ARB2A: variants seen among roughly 807,000 people sequenced by gnomAD.
ARB2A encodes the protein cotranscriptional regulator ARB2A.
chr5:93,946,029 CTA>C, the ARB2A span, among the ~76,000 whole-genome samples: 1 of 152,056 alleles, frequency 6.6e-6, no homozygotes, highest in Non-Finnish European at 1.5e-5. Flanking sequence ...ACCTGGAATT[CTA>C]TGTCTTTTGA....
the ARB2A span, among the ~76,000 whole-genome samples, chr5:93,955,075 C>T: frequency 6.6e-6 from 1 of 152,190 alleles, no homozygotes; most frequent in Non-Finnish European, 1.5e-5. Flanking sequence ...CTTTCTTACC[C>T]TCTTCAGTGC....
chr5:93,793,472 C>T, the ARB2A span, among the ~76,000 whole-genome samples: 12 of 151,608 alleles, frequency 7.9e-5, no homozygotes, highest in African/African-American at 2.9e-4. Context: ...ACTTATAAAA[C>T]CAGTAAGGAT....
the ARB2A span, among the ~76,000 whole-genome samples, chr5:93,652,929 A>G: frequency 6.6e-6 from 1 of 152,192 alleles, no homozygotes; most frequent in East Asian, 1.9e-4. Context: ...AAAAATGAGA[A>G]AGAGCATATG....
the ARB2A span, among the ~76,000 whole-genome samples, chr5:94,045,448 CAT>C: frequency 4.2e-3 from 640 of 152,206 alleles, 3 homozygotes; most frequent in African/African-American, 0.015. Flanking sequence ...AATTATGCCA[CAT>C]ATAGTCTATT....
the ARB2A span, among the ~76,000 whole-genome samples, chr5:93,639,068 TAA>T: frequency 6.6e-6 from 1 of 152,212 alleles, no homozygotes; most frequent in South Asian, 2.1e-4. Flanking sequence ...TACCATTAAC[TAA>T]AGAGATGAAT....
chr5:93,927,998 C>CTT, the ARB2A span, among the ~76,000 whole-genome samples: 1 of 147,286 alleles, frequency 6.8e-6, no homozygotes, highest in Non-Finnish European at 1.5e-5. Flanking sequence ...TTACCAATTC[C>CTT]TTTTTTTTTT....
At chr5:93,926,347 G>C in the ARB2A span, among the ~76,000 whole-genome samples, 3 of 151,920 alleles carry the variant, frequency 2.0e-5, no homozygotes, top group African/African-American at 7.3e-5. Context: ...TGGTCAGGCT[G>C]GTCTCGAACT....
chr5:93,873,389 G>GCT, the ARB2A span, among the ~76,000 whole-genome samples: 1 of 4,934 alleles, frequency 2.0e-4, no homozygotes, highest in African/African-American at 5.3e-4. Flanking sequence ...GGAAAGGAAG[G>GCT]GGAAGGGGAA....
chr5:93,682,804 G>A, the ARB2A span: 9 of 1,145,670 alleles, frequency 7.9e-6, no homozygotes, highest in East Asian at 2.1e-4. Context: ...AAATAAGACG[G>A]AAAATTTTTA....
the ARB2A span, among the ~76,000 whole-genome samples, chr5:93,990,890 A>T: frequency 6.6e-6 from 1 of 152,144 alleles, no homozygotes; most frequent in African/African-American, 2.4e-5. Flanking sequence ...CTGTGACACA[A>T]GGAAGAGGAG....
At chr5:94,033,593 T>A in the ARB2A span, among the ~76,000 whole-genome samples, 1 of 151,996 alleles carries the variant, frequency 6.6e-6, no homozygotes, top group Non-Finnish European at 1.5e-5. Flanking sequence ...CCTGGCTAAT[T>A]TTTGTATTTT....
chr5:94,040,173 T>C, the ARB2A span, among the ~76,000 whole-genome samples: 4 of 152,112 alleles, frequency 2.6e-5, no homozygotes, highest in Admixed American at 1.3e-4. Context: ...CACAGGATGT[T>C]AACTGCTTTT....
chr5:94,024,985 T>C, the ARB2A span, among the ~76,000 whole-genome samples: 116 of 152,332 alleles, frequency 7.6e-4, no homozygotes, highest in Middle Eastern at 6.8e-3. Flanking sequence ...AGGTCTGATA[T>C]GACAAGGCAG....
At chr5:93,982,674 A>G in the ARB2A span, among the ~76,000 whole-genome samples, 4 of 152,210 alleles carry the variant, frequency 2.6e-5, no homozygotes, top group African/African-American at 9.6e-5. Flanking sequence ...ATAGCCTACT[A>G]CTCCTAGGCT....
chr5:93,778,866 T>G, the ARB2A span, among the ~76,000 whole-genome samples: 7 of 152,336 alleles, frequency 4.6e-5, no homozygotes, highest in East Asian at 1.3e-3. Context: ...TTTGTCCAGT[T>G]TGCTCAGCTC....
chr5:93,748,480 A>G, the ARB2A span, among the ~76,000 whole-genome samples: 1 of 152,096 alleles, frequency 6.6e-6, no homozygotes, highest in Non-Finnish European at 1.5e-5. Flanking sequence ...AAAAAGACAG[A>G]GGCAGGAAAG....
the ARB2A span, among the ~76,000 whole-genome samples, chr5:93,746,986 G>A: frequency 6.6e-6 from 1 of 152,130 alleles, no homozygotes; most frequent in African/African-American, 2.4e-5. Flanking sequence ...AAAGCTTTAA[G>A]GATGTTCTTG....
At chr5:93,901,796 T>C in the ARB2A span, among the ~76,000 whole-genome samples, 1 of 152,104 alleles carries the variant, frequency 6.6e-6, no homozygotes, top group Non-Finnish European at 1.5e-5. Flanking sequence ...CTTAGGCACA[T>C]TTTACATTTC....
At chr5:93,659,888 T>C in the ARB2A span, among the ~76,000 whole-genome samples, 9 of 152,160 alleles carry the variant, frequency 5.9e-5, no homozygotes, top group Non-Finnish European at 1.5e-5. Flanking sequence ...TCTTTCACAA[T>C]GCACCTGAAG....
Sources: allele counts gnomAD v4.1 joint callset (sites outside exome capture counted in the v4.1 genomes callset), GRCh38; gene constraint gnomAD v4.1.1; transcripts MANE v1.5; gene names NCBI Gene and HGNC (gene_info 2026-07-23, HGNC 2026-07-21).